VEPH1: variants seen among roughly 807,000 people sequenced by gnomAD.
VEPH1 encodes ventricular zone expressed PH domain containing 1, also known as ventricular zone-expressed PH domain-containing protein homolog 1.
Under a neutral mutation model 85.2 loss-of-function variants are expected in VEPH1, and 80 were observed. The observed-to-expected ratio is 0.94, with a 90% confidence interval of 0.78 to 1.13. VEPH1 has a LOEUF of 1.13. Ranked by LOEUF, VEPH1 falls within the 50% of genes most tolerant of loss-of-function variation. The probability of loss-of-function intolerance (pLI) is 0.00; values close to 1 mark genes in which losing one functional copy is unlikely to be tolerated. For missense variants in VEPH1, 955 were observed against 980.5 expected, an observed-to-expected ratio of 0.97 and a Z score of 0.35; for synonymous variants, 297 against 348.0, an observed-to-expected ratio of 0.85 and a Z score of 1.63.
At chr3:157,305,301 G>A (rs1719384405) in intron 11 of VEPH1, among the ~76,000 whole-genome samples, 1 of 151,142 alleles carries the variant, frequency 6.6e-6, no homozygotes. Context: ...AGTAGAGACG[G>A]GGTTTCACCG....
intron 11 of VEPH1, among the ~76,000 whole-genome samples, chr3:157,310,644 G>T (rs528853288): frequency 3.3e-5 from 5 of 152,204 alleles, no homozygotes; most frequent in African/African-American, 4.8e-5. Flanking sequence ...GTGGGACTGG[G>T]TGGCTCTCTA....
intron 6 of VEPH1, among the ~76,000 whole-genome samples, chr3:157,396,043 T>G (rs765298007): frequency 2.6e-5 from 4 of 152,216 alleles, no homozygotes; most frequent in Non-Finnish European, 5.9e-5. Flanking sequence ...CACTAGGTAT[T>G]AAGTCTTGCA....
intron 3 of VEPH1, among the ~76,000 whole-genome samples, chr3:157,468,227 A>G (rs1435316459): frequency 6.6e-6 from 1 of 152,172 alleles, no homozygotes; most frequent in Non-Finnish European, 1.5e-5. Flanking sequence ...ATTACTCTAA[A>G]ACTGTGTTAA....
At position 157,336,197 on chromosome 3, in the gene VEPH1, G is replaced by C. The variant is rs575208815; in HGVS notation, c.1736-18996C>G. 3.9e-5 allele frequency among the ~76,000 whole-genome samples: 6 copies of C among 152,346 alleles called. No homozygotes were observed. The East Asian group carries it at 1.2e-3, about 29-fold the overall frequency. ...AAAAGCAGTGAATGTTAAACTGCTAGTTATTGTTGGCACTATTCTTGTCTA... is the reference window on the plus strand; with the variant it reads ...AAAAGCAGTGAATGTTAAACTGCTACTTATTGTTGGCACTATTCTTGTCTA... On this transcript the variant is annotated intron_variant, in intron 9 of 13. Transcript: ENST00000362010.
chr3:157,313,038 G>A lies in VEPH1; in HGVS notation c.2010+583C>T, dbSNP rs563857476. On this transcript the variant is annotated intron_variant, in intron 11 of 13. Coordinates refer to ENST00000362010, the MANE Select transcript of VEPH1 (RefSeq NM_001167912.2). ...TCCTGCCTCAGCCTCCCGAGTAGCT[G>A]GGACTACAGGCGCCCGCTACCACGC... Among the ~76,000 whole-genome samples the A allele has an allele frequency of 3.3e-5, 5 of 150,150 alleles. No homozygotes were observed. In the East Asian group the frequency reaches 9.8e-4, roughly 29 times the overall value.
At position 157,381,486 on chromosome 3, in the gene VEPH1, C is replaced by T. The variant is rs1728767474; in HGVS notation, c.907-110G>A. 5.6e-5 allele frequency: 58 copies of T among 1,037,630 alleles called. No homozygotes were observed. In the South Asian group the frequency reaches 8.4e-4, roughly 15 times the overall value. The allele number at this position is 1,037,630 out of a possible 1,614,324, so 64.3% of individuals were successfully genotyped here. A position where few individuals can be genotyped will look rare whatever the true frequency, so the allele number is the denominator to read the frequency against. ...TTGGGAGGCTGAGGTGGGTGGATGGCTTGGAACTCCTGATCGAGAACAGGA... is the reference window on the plus strand; with the variant it reads ...TTGGGAGGCTGAGGTGGGTGGATGGTTTGGAACTCCTGATCGAGAACAGGA... On this transcript the variant is annotated intron_variant, in intron 6 of 13. Transcript: ENST00000362010.
In VEPH1 at chr3:157,328,930, C is replaced by CA. The variant is rs767622527; in HGVS notation, c.1736-11730dup. On this transcript the variant is annotated intron_variant, in intron 9 of 13. Transcript: ENST00000362010. ...GGAAGAATCTGAGGCTCAAAGATGT[C>CA]AAGTAATTTATCTAAGGTCACATGG... is the stretch of plus-strand genomic sequence containing the variant. Among the ~76,000 whole-genome samples the CA allele has an allele frequency of 4.0e-3, 614 of 152,220 alleles. 4 individuals are homozygous for CA. The highest frequency in any genetic ancestry group is 0.027 in the Middle Eastern group (8 of 294).
intron 11 of VEPH1, among the ~76,000 whole-genome samples, chr3:157,288,422 G>C (rs1717053878): frequency 6.6e-6 from 1 of 152,168 alleles, no homozygotes; most frequent in South Asian, 2.1e-4. Flanking sequence ...GCATCCCAAA[G>C]CTCCTAATTC....
At chr3:157,268,099 A>G (rs1294018936) in intron 12 of VEPH1, among the ~76,000 whole-genome samples, 1 of 152,224 alleles carries the variant, frequency 6.6e-6, no homozygotes, top group Non-Finnish European at 1.5e-5. Flanking sequence ...TTTGATAGGA[A>G]TTGTCTGATG....
chr3:157,334,535 T>C (rs1412589442), intron 9 of VEPH1, among the ~76,000 whole-genome samples: 1 of 152,222 alleles, frequency 6.6e-6, no homozygotes, highest in East Asian at 1.9e-4. Context: ...TTTGTTATCC[T>C]GCACTGGGGA....
chr3:157,453,201 G>A (rs1735110665), intron 4 of VEPH1, among the ~76,000 whole-genome samples: 1 of 152,206 alleles, frequency 6.6e-6, no homozygotes, highest in Non-Finnish European at 1.5e-5. Context: ...GCTGAGAATT[G>A]ACTTTTGGGA....
chr3:157,369,133 C>CA (rs1448428800), intron 7 of VEPH1, among the ~76,000 whole-genome samples: 27 of 87,796 alleles, frequency 3.1e-4, no homozygotes, highest in Non-Finnish European at 1.6e-4. Flanking sequence ...CCACAAAACA[C>CA]AAAAAACAAA....
rs770096881 is a variant in VEPH1 at position 157,437,045 on chromosome 3, C to T, written c.530-8557G>A. The T allele has an allele frequency of 5.6e-6, 9 of 1,614,022 alleles. No individual in the cohort carries two copies. In the South Asian group the frequency reaches 8.8e-5, roughly 16 times the overall value. On this transcript the variant is annotated intron_variant, in intron 4 of 13. Coordinates refer to ENST00000362010, the MANE Select transcript of VEPH1 (RefSeq NM_001167912.2). ...TTTGGACAACGAAATAGACAATGGA[C>T]TCCATCCCACTGAGGACCGTAAGTT...
At chr3:157,294,749 G>A (rs1240176973) in intron 11 of VEPH1, among the ~76,000 whole-genome samples, 1 of 152,100 alleles carries the variant, frequency 6.6e-6, no homozygotes, top group Non-Finnish European at 1.5e-5. Context: ...GCACAGTTAG[G>A]GCTTTTTGAA....
rs1001344787 is a variant in VEPH1, at chr3:157,480,143, T to G, written c.139-9614A>C. On this transcript the variant is annotated intron_variant, in intron 2 of 13. Transcript: ENST00000362010. ...TTTATTGCATTTCCAGTGTTCTTCA[T>G]TTTTTTGGATGGATAAAAGTGTCTG... is the stretch of plus-strand genomic sequence containing the variant. Among the ~76,000 whole-genome samples, 5 of 151,290 alleles carry G rather than the reference T, an allele frequency of 3.3e-5. No individual in the cohort carries two copies. In the South Asian group the frequency reaches 1.0e-3, roughly 32 times the overall value.
At chr3:157,316,965 A>G (rs1720817107) in intron 10 of VEPH1, 97 bp downstream of exon 10, 7 of 1,318,142 alleles carry the variant, frequency 5.3e-6, no homozygotes, top group Admixed American at 2.5e-5. Context: ...TGTTATCTAC[A>G]TATCAACTCT....
At chr3:157,295,574 C>G (rs1231178718) in intron 11 of VEPH1, among the ~76,000 whole-genome samples, 1 of 111,666 alleles carries the variant, frequency 9.0e-6, no homozygotes, top group African/African-American at 3.4e-5. Context: ...TAAATGTCTC[C>G]ATTTAGTCAC....
At chr3:157,413,557 A>C in intron 6 of VEPH1, 1 of 985,340 alleles carries the variant, frequency 1.0e-6, no homozygotes, top group Non-Finnish European at 1.2e-6. Flanking sequence ...TGCTCTCTCC[A>C]TTTTAACCCT....
chr3:157,491,759 A>G (rs1424178945), intron 2 of VEPH1, among the ~76,000 whole-genome samples: 1 of 152,122 alleles, frequency 6.6e-6, no homozygotes, highest in Non-Finnish European at 1.5e-5. Flanking sequence ...TTTTTTTGCA[A>G]TGTTGAAAAT....
Sources: allele counts gnomAD v4.1 joint callset (sites outside exome capture counted in the v4.1 genomes callset), GRCh38; gene constraint gnomAD v4.1.1; transcripts MANE v1.5; gene names NCBI Gene and HGNC (gene_info 2026-07-23, HGNC 2026-07-21).